Variants in NUP88 observed in about 807,000 individuals in gnomAD.
NUP88 encodes the protein nucleoporin 88, also known as nuclear pore complex protein Nup88.
Under a neutral mutation model 93.9 loss-of-function variants are expected in NUP88, and 57 were observed. That is an observed-to-expected ratio of 0.61 (90% CI 0.49 to 0.76). The LOEUF is 0.76. Among genes scored for constraint, NUP88 ranks in the 30% least tolerant of loss-of-function variants. The probability of loss-of-function intolerance (pLI) is 0.00; values close to 1 mark genes in which losing one functional copy is unlikely to be tolerated. For synonymous variants in NUP88, 346 were observed against 336.8 expected, an observed-to-expected ratio of 1.03 and a Z score of -0.30; for missense variants, 911 against 901.0, an observed-to-expected ratio of 1.01 and a Z score of -0.14.
chr17:5,393,054 A>T (rs1327359941), intron 9 of NUP88, among the ~76,000 whole-genome samples: 1 of 151,334 alleles, frequency 6.6e-6, no homozygotes, highest in African/African-American at 2.4e-5. Flanking sequence ...CCAGGGTCAT[A>T]CGATTCTCCT....
chr17:5,391,598 T>C lies in NUP88; in HGVS notation c.1447A>G (p.Ile483Val), dbSNP rs575868864. ...PDILGPTMIC[I>V]TSTYECLIWP... ...ATGAGGCATTCATAGGTACTGGTGA[T>C]GCAGATCATCGTGGGTCCCAGAATG... The change falls in exon 10 of 17, where the codon ATC becomes GTC. Residue 483 changes from isoleucine to valine, a missense_variant. Transcript: ENST00000573584. 3.1e-6 allele frequency: 5 copies of C among 1,614,164 alleles called. No individual in the cohort carries two copies. In the South Asian group the frequency reaches 5.5e-5, roughly 18 times the overall value.
At chr17:5,394,358 C>T (rs573366689) in intron 9 of NUP88, among the ~76,000 whole-genome samples, 8 of 152,214 alleles carry the variant, frequency 5.3e-5, no homozygotes, top group African/African-American at 1.7e-4. Context: ...GAGGGACAGA[C>T]GTCAAGGATG....
At chr17:5,412,423 TCA>T (rs1424199626) in intron 3 of NUP88, among the ~76,000 whole-genome samples, 1 of 152,122 alleles carries the variant, frequency 6.6e-6, no homozygotes, top group African/African-American at 2.4e-5. Flanking sequence ...AGTAGCTGTC[TCA>T]GTTATAAGAT....
At chr17:5,388,770 T>G in intron 11 of NUP88, 32 bp downstream of exon 11, 1 of 1,591,492 alleles carries the variant, frequency 6.3e-7, no homozygotes, top group Non-Finnish European at 8.6e-7. Context: ...AGAGAACCCA[T>G]TCATAAAACC....
intron 2 of NUP88, among the ~76,000 whole-genome samples, chr17:5,414,444 C>A (rs1914020731): frequency 6.6e-6 from 1 of 152,050 alleles, no homozygotes; most frequent in African/African-American, 2.4e-5. Flanking sequence ...ATCTGCCCAC[C>A]TCGGCCTCGC....
chr17:5,388,096 G>C (rs956635944), intron 11 of NUP88, 192 bp from the exon 12 acceptor site: 1 of 438,554 alleles, frequency 2.3e-6, no homozygotes, highest in African/African-American at 2.0e-5. Flanking sequence ...CACCTCCCAG[G>C]TTCGAGCAAT....
At chr17:5,409,555 A>G (rs1294606923) in intron 4 of NUP88, among the ~76,000 whole-genome samples, 1 of 152,140 alleles carries the variant, frequency 6.6e-6, no homozygotes, top group Non-Finnish European at 1.5e-5. Context: ...AAACATCAAC[A>G]GTTGTCTCTG....
chr17:5,401,298 G>A (rs532264708), intron 7 of NUP88, among the ~76,000 whole-genome samples: 14 of 152,110 alleles, frequency 9.2e-5, no homozygotes, highest in Admixed American at 3.3e-4. Flanking sequence ...CAGAAGAATC[G>A]CTCGAACCTG....
chr17:5,408,169 C>T (rs555197834), intron 5 of NUP88, among the ~76,000 whole-genome samples: 28 of 152,294 alleles, frequency 1.8e-4, no homozygotes, highest in African/African-American at 5.8e-4. Context: ...TATTTTCAGA[C>T]GCTACTTTAT....
At position 5,388,879 on chromosome 17, in the gene NUP88, C is replaced by T; in HGVS notation, c.1566G>A (p.Leu522=). 1 of 1,613,964 alleles carries T rather than the reference C, an allele frequency of 6.2e-7. No homozygotes were observed. Among genetic ancestry groups the T allele is most frequent in the East Asian group, 2.2e-5 (1 of 44,872 alleles). ...VEVAESPLRV[L]AETPDSFEKH... ...TTTCAAAGGAATCTGGGGTTTCAGC[C>T]AGAACACGGAGGGGAGACTCTGCCA... Residue 522 remains leucine (L), a synonymous_variant, in exon 11 of 17, where the codon CTG becomes CTA. Transcript: ENST00000573584.
chr17:5,416,159 A>ATATATATATATAT (rs1302350232), intron 2 of NUP88, among the ~76,000 whole-genome samples: 1 of 70,984 alleles, frequency 1.4e-5, no homozygotes, highest in Non-Finnish European at 2.8e-5. Context: ...AAAAAAAAAA[A>ATATATATATATAT]AAAAAAAGTA....
At chr17:5,411,810 A>G (rs1042269900) in intron 3 of NUP88, among the ~76,000 whole-genome samples, 3 of 152,160 alleles carry the variant, frequency 2.0e-5, no homozygotes, top group African/African-American at 7.2e-5. Context: ...GCCACTAAGA[A>G]TTTTTTAACT....
Position 5,387,764 on chromosome 17 carries a change from C to T in NUP88, c.1769+15G>A. On this transcript the variant is annotated intron_variant, in intron 12 of 16. Coordinates refer to ENST00000573584, the MANE Select transcript of NUP88 (RefSeq NM_002532.6). ...CAGCCAGGGATCGATGGTTTGTGAACACAGGACATCATACCTCCGCTGAAT... is the reference window on the plus strand; with the variant it reads ...CAGCCAGGGATCGATGGTTTGTGAATACAGGACATCATACCTCCGCTGAAT... 6.2e-7 allele frequency: 1 copy of T among 1,611,688 alleles called. No homozygotes were observed. The highest frequency in any genetic ancestry group is 8.5e-7 in the Non-Finnish European group (1 of 1,178,738).
intron 8 of NUP88, among the ~76,000 whole-genome samples, chr17:5,398,010 G>A (rs985459996): frequency 4.0e-5 from 6 of 150,604 alleles, no homozygotes; most frequent in African/African-American, 1.5e-4. Context: ...AGGTTCAAGC[G>A]ATTCTCCTGT....
chr17:5,417,727 T>A (rs1014405602), intron 1 of NUP88, among the ~76,000 whole-genome samples: 1 of 151,268 alleles, frequency 6.6e-6, no homozygotes, highest in East Asian at 2.0e-4. Context: ...TAATCCCAAC[T>A]ACTCAAGAGG....
chr17:5,395,949 C>A (rs1271754170), intron 8 of NUP88, among the ~76,000 whole-genome samples: 1 of 152,132 alleles, frequency 6.6e-6, no homozygotes, highest in African/African-American at 2.4e-5. Context: ...GTGGCTCATG[C>A]CTGTAATTCC....
At chr17:5,397,234 G>C (rs1912831203) in intron 8 of NUP88, among the ~76,000 whole-genome samples, 1 of 152,086 alleles carries the variant, frequency 6.6e-6, no homozygotes, top group Admixed American at 6.5e-5. Context: ...CAGATACTTT[G>C]GGGGCTGAGG....
chr17:5,400,880 CTTT>C (rs1262247330), intron 7 of NUP88, among the ~76,000 whole-genome samples: 1 of 152,026 alleles, frequency 6.6e-6, no homozygotes, highest in Non-Finnish European at 1.5e-5. Context: ...TTTGGATGCT[CTTT>C]TTGTTTGACA....
chr17:5,404,717 T>C (rs892434529), intron 6 of NUP88, among the ~76,000 whole-genome samples: 1 of 152,208 alleles, frequency 6.6e-6, no homozygotes, highest in African/African-American at 2.4e-5. Context: ...AGTGCACTGT[T>C]ATTCTGAAGA....
Sources: allele counts gnomAD v4.1 joint callset (sites outside exome capture counted in the v4.1 genomes callset), GRCh38; gene constraint gnomAD v4.1.1; transcripts MANE v1.5; gene names NCBI Gene and HGNC (gene_info 2026-07-23, HGNC 2026-07-21).